NRAP: variants seen among roughly 807,000 people sequenced by gnomAD.
NRAP encodes the protein nebulin-related-anchoring protein.
A neutral mutation model predicts 225.9 loss-of-function variants in NRAP; 189 were observed. The observed-to-expected ratio is 0.84, with a 90% confidence interval of 0.74 to 0.94. The LOEUF (loss-of-function observed/expected upper bound fraction) is 0.94. NRAP is among the 40% of genes least tolerant of loss of function. The pLI, the probability that NRAP is intolerant of heterozygous loss-of-function variation, is 0.00. For synonymous variants in NRAP, 769 were observed against 790.7 expected, an observed-to-expected ratio of 0.97 and a Z score of 0.46; for missense variants, 2,176 against 2,168.7, an observed-to-expected ratio of 1.00 and a Z score of -0.07.
intron 16 of NRAP, 38 bp from the exon 17 acceptor site, chr10:113,632,002 C>T (rs772198958): frequency 7.2e-6 from 9 of 1,256,632 alleles, no homozygotes; most frequent in African/African-American, 4.4e-5. Context: ...GAGTTGCTAC[C>T]CATATTCCTG....
chr10:113,610,073 G>C (rs1847229060), intron 31 of NRAP, among the ~76,000 whole-genome samples: 1 of 152,114 alleles, frequency 6.6e-6, no homozygotes, highest in Non-Finnish European at 1.5e-5. Context: ...TGATTGGCTG[G>C]GCGCAGTGGC....
Position 113,643,010 on chromosome 10 carries a change from C to T in NRAP, c.1139G>A (p.Ser380Asn). 1 of 1,596,018 alleles carries T rather than the reference C, an allele frequency of 6.3e-7. No homozygotes were observed. Among genetic ancestry groups the T allele is most frequent in the Non-Finnish European group, 8.6e-7 (1 of 1,163,496 alleles). Residue 380 changes from serine (S) to asparagine (N), a missense_variant, in exon 12 of 42, where the codon AGT becomes AAT. This residue lies in a region of NRAP where 1,708 missense variants were observed against 1,695.5 expected (regional missense o/e 1.01). Transcript: ENST00000359988. ...EVEYKKDLES[S>N]RGHSINYCET... The stretch of plus-strand genomic sequence containing the variant: ...ACAGTAGTTGATACTGTGACCTCTA[C>T]TACTTTCCAGATCCTTCTTATACTC...
At chr10:113,633,991 G>T in intron 15 of NRAP, 121 bp downstream of exon 15, 3 of 694,698 alleles carry the variant, frequency 4.3e-6, no homozygotes, top group Non-Finnish European at 7.7e-6. Context: ...TCATTTTCTG[G>T]CTGTAATAAG....
At chr10:113,656,922 G>A (rs767026551) in intron 4 of NRAP, among the ~76,000 whole-genome samples, 1 of 152,126 alleles carries the variant, frequency 6.6e-6, no homozygotes, top group African/African-American at 2.4e-5. Flanking sequence ...TAAGAATAAT[G>A]CAAATTCTTA....
chr10:113,615,433 G>A (rs534637064), intron 27 of NRAP, among the ~76,000 whole-genome samples: 2 of 152,116 alleles, frequency 1.3e-5, no homozygotes, highest in Non-Finnish European at 1.5e-5. Context: ...CCACTTTCCA[G>A]CTCCTCCAAA....
chr10:113,631,359 C>G (rs1163479574), intron 18 of NRAP, 150 bp downstream of exon 18: 1 of 574,158 alleles, frequency 1.7e-6, no homozygotes. Context: ...AACAAATAAA[C>G]CAAACAAACT....
Position 113,608,987 on chromosome 10 carries a change from T to C in NRAP, c.3604-475A>G, listed in dbSNP as rs189731920. 3.3e-4 allele frequency among the ~76,000 whole-genome samples: 50 copies of C among 152,202 alleles called. No homozygotes were observed. In the East Asian group the frequency reaches 7.6e-3, roughly 23 times the overall value. ...CATCCAGGCCAACATGGCGAAACCC[T>C]GTCTCTACTAAAAAATACAAAAATT... On this transcript the variant is annotated intron_variant, in intron 31 of 41. Transcript: ENST00000359988.
chr10:113,653,450 T>C (rs1850113202), intron 5 of NRAP, among the ~76,000 whole-genome samples: 1 of 152,230 alleles, frequency 6.6e-6, no homozygotes, highest in East Asian at 1.9e-4. Context: ...CTCTGATGAT[T>C]AGTTTTCCTA....
At chr10:113,650,413 T>C in intron 8 of NRAP, 25 bp downstream of exon 8, 1 of 1,524,060 alleles carries the variant, frequency 6.6e-7, no homozygotes, top group Non-Finnish European at 9.1e-7. Context: ...CTCCCTAACA[T>C]GACCACATTG....
At chr10:113,614,754 G>A (rs1026781743) in intron 28 of NRAP, 85 bp downstream of exon 28, 2 of 806,848 alleles carry the variant, frequency 2.5e-6, no homozygotes, top group Non-Finnish European at 4.4e-6. Context: ...TTATCCACAG[G>A]CAAAAGAAGG....
At chr10:113,638,825 G>A (rs17090803) in intron 14 of NRAP, among the ~76,000 whole-genome samples, 27,230 of 152,102 alleles carry the variant, frequency 0.18, 2,956 homozygotes, top group African/African-American at 0.3. Context: ...GGCTGCCAGT[G>A]AACCCACCTC....
chr10:113,605,893 C>A (rs1255186951), intron 33 of NRAP, 24 bp from the exon 34 acceptor site: 3 of 1,541,336 alleles, frequency 1.9e-6, no homozygotes, highest in Non-Finnish European at 2.7e-6. Flanking sequence ...ACATGTAAAT[C>A]TTTTTTAAAA....
chr10:113,641,499 C>G (rs775435424), intron 12 of NRAP, 27 bp from the exon 13 acceptor site: 2 of 1,412,002 alleles, frequency 1.4e-6, no homozygotes, highest in South Asian at 2.3e-5. Flanking sequence ...AGTTTTCAAC[C>G]AAAGCATTCC....
chr10:113,598,234 G>C (rs537781201), intron 35 of NRAP, among the ~76,000 whole-genome samples, 161 bp from the exon 36 acceptor site: 2 of 149,532 alleles, frequency 1.3e-5, no homozygotes, highest in Admixed American at 6.8e-5. Flanking sequence ...AAGTCAAACT[G>C]TTTGAATTTG....
At position 113,588,879 on chromosome 10, in the gene NRAP, G is replaced by T. The variant is rs1845743994; in HGVS notation, c.*96C>A. ...AAAGGAAGATCTGGGATGGGCTGGT[G>T]GGCCATTCCAGCTTGCCGAAATCAA... is the stretch of plus-strand genomic sequence containing the variant. On this transcript the variant is annotated 3_prime_UTR_variant, in exon 42 of 42. Coordinates refer to ENST00000359988, the MANE Select transcript of NRAP (RefSeq NM_198060.4). The T allele has an allele frequency of 3.6e-6, 3 of 840,386 alleles. No individual in the cohort carries two copies. Among genetic ancestry groups the T allele is most frequent in the Admixed American group, 2.0e-5 (1 of 51,126 alleles). The allele number at this position is 840,386 out of a possible 1,614,324, so 52.1% of individuals were successfully genotyped here.
rs1846951566 is a variant in NRAP, at chr10:113,606,164, AC to A, written c.3807+13del. ...TTTGGAGCATGCTTGAACTTAAGTA[AC>A]AAAAGGGCTTACGTCACTCAGGTTG... On this transcript the variant is annotated intron_variant, in intron 33 of 41. Coordinates refer to ENST00000359988, the MANE Select transcript of NRAP (RefSeq NM_198060.4). The A allele has an allele frequency of 6.3e-7, 1 of 1,596,046 alleles. No individual in the cohort carries two copies. The highest frequency in any genetic ancestry group is 1.7e-5 in the Admixed American group (1 of 59,980).
rs554385620 is a variant in NRAP, at chr10:113,632,720, C to A, written c.1632+364G>T. Among the ~76,000 whole-genome samples, 11 of 152,272 alleles carry A rather than the reference C, an allele frequency of 7.2e-5. No individual in the cohort carries two copies. In the South Asian group the frequency reaches 2.3e-3, roughly 32 times the overall value. The stretch of plus-strand genomic sequence containing the variant: ...TAGAGTTAGAAGCCAATTCATAGCC[C>A]ACTTGTGACTCCAGGGAGAATCTGA... On this transcript the variant is annotated intron_variant, in intron 16 of 41. Transcript: ENST00000359988.
At chr10:113,617,401 T>C (rs1203863109) in intron 26 of NRAP, 54 bp downstream of exon 26, 2 of 1,051,476 alleles carry the variant, frequency 1.9e-6, no homozygotes, top group South Asian at 2.5e-5. Context: ...TCAATCGCAG[T>C]GTTGAAAGAA....
rs371097001 is a variant in NRAP at position 113,610,519 on chromosome 10, A to G, written c.3543T>C (p.Cys1181=). 3.1e-6 allele frequency: 5 copies of G among 1,604,164 alleles called. No individual in the cohort carries two copies. Among genetic ancestry groups the G allele is most frequent in the Admixed American group, 1.7e-5 (1 of 60,008 alleles). The change falls in exon 31 of 42, where the codon TGT becomes TGC. Residue 1181 remains cysteine, a synonymous_variant. Coordinates refer to ENST00000359988, the MANE Select transcript of NRAP (RefSeq NM_198060.4). ...CAATCTCTAACGTGCCTGGAATGAC[A>G]CATGCAACACCTCGCATAAAGTTCA... The part of the protein sequence containing the change: ...SDLNFMRGVA[C]VIPGTLEIEG...
Sources: allele counts gnomAD v4.1 joint callset (sites outside exome capture counted in the v4.1 genomes callset), GRCh38; gene constraint gnomAD v4.1.1; regional missense constraint gnomAD v4.1.1; transcripts MANE v1.5; gene names NCBI Gene and HGNC (gene_info 2026-07-23, HGNC 2026-07-21).